The following PELI1 variants were observed in gnomAD, a reference collection of about 807,000 sequenced individuals.
The protein encoded by PELI1 is E3 ubiquitin-protein ligase pellino homolog 1.
In PELI1, 15 loss-of-function variants were observed where a neutral mutation model predicts 41.3. The observed-to-expected ratio is 0.36, with a 90% CI of 0.24 to 0.56. The LOEUF (loss-of-function observed/expected upper bound fraction) is 0.56, where lower values mean the gene tolerates loss of function less well. Among genes scored for constraint, PELI1 ranks in the 20% least tolerant of loss-of-function variants. The pLI, the probability that PELI1 is intolerant of heterozygous loss-of-function variation, is 0.82. For synonymous variants in PELI1, 178 were observed against 180.1 expected (o/e 0.99, Z 0.09); for missense variants, 403 against 525.5 (o/e 0.77, Z 2.28).
chr2:64,123,823 C>T (rs1282159833), intron 1 of PELI1, among the ~76,000 whole-genome samples: 2 of 152,134 alleles, frequency 1.3e-5, no homozygotes, highest in South Asian at 2.1e-4. Context: ...GACCTATGTC[C>T]ACACACAGAC....
chr2:64,116,512 T>C (rs995696604), intron 1 of PELI1, among the ~76,000 whole-genome samples: 4 of 152,220 alleles, frequency 2.6e-5, no homozygotes, highest in African/African-American at 9.6e-5. Flanking sequence ...CATCCCACAC[T>C]GGTAGTCCCT....
chr2:64,143,786 G>A (rs1009475880), intron 1 of PELI1, among the ~76,000 whole-genome samples: 8 of 151,934 alleles, frequency 5.3e-5, no homozygotes, highest in Non-Finnish European at 1.0e-4. Flanking sequence ...CTCGCAGCCG[G>A]AGCGCGCGGC....
At chr2:64,096,356 A>C (rs1200669087) in intron 5 of PELI1, 43 bp from the exon 6 acceptor site, 3 of 1,599,988 alleles carry the variant, frequency 1.9e-6, no homozygotes, top group Non-Finnish European at 2.6e-6. Flanking sequence ...TGTAACTTGT[A>C]ACTTGGAATG....
At chr2:64,130,176 T>G (rs1167588336) in intron 1 of PELI1, among the ~76,000 whole-genome samples, 1 of 152,132 alleles carries the variant, frequency 6.6e-6, no homozygotes, top group East Asian at 1.9e-4. Context: ...ATCACATATA[T>G]CAAAAAAAGA....
At chr2:64,104,112 A>T (rs1009711446) in intron 3 of PELI1, among the ~76,000 whole-genome samples, 1 of 152,204 alleles carries the variant, frequency 6.6e-6, no homozygotes, top group African/African-American at 2.4e-5. Flanking sequence ...GAGAAGTTAT[A>T]TTGTAGATGC....
At chr2:64,110,575 A>G (rs1363968734) in intron 1 of PELI1, among the ~76,000 whole-genome samples, 2 of 152,234 alleles carry the variant, frequency 1.3e-5, no homozygotes, top group Non-Finnish European at 2.9e-5. Context: ...ATATGAGTAA[A>G]TACAATCGAC....
At chr2:64,098,622 G>A (rs17702317) in intron 4 of PELI1, among the ~76,000 whole-genome samples, 45 of 152,306 alleles carry the variant, frequency 3.0e-4, no homozygotes, top group Admixed American at 2.9e-3. Flanking sequence ...TACAGGGTCA[G>A]TACAGCACCT....
chr2:64,141,889 G>A (rs1163082361), intron 1 of PELI1, among the ~76,000 whole-genome samples: 1 of 152,208 alleles, frequency 6.6e-6, no homozygotes, highest in Non-Finnish European at 1.5e-5. Flanking sequence ...ACTGAGCCAA[G>A]ACAGTGTTAG....
intron 3 of PELI1, among the ~76,000 whole-genome samples, chr2:64,103,584 G>A (rs988277115): frequency 1.3e-5 from 2 of 152,146 alleles, no homozygotes; most frequent in African/African-American, 4.8e-5. Flanking sequence ...CGCCAAAGGA[G>A]CAAAAAGAAA....
chr2:64,108,565 G>A (rs1480190676), intron 1 of PELI1, among the ~76,000 whole-genome samples, 186 bp from the exon 2 acceptor site: 1 of 152,160 alleles, frequency 6.6e-6, no homozygotes, highest in Non-Finnish European at 1.5e-5. Flanking sequence ...AATCAAAAAT[G>A]CAAATTTGAA....
chr2:64,108,563 A>G (rs978398221), intron 1 of PELI1, among the ~76,000 whole-genome samples, 184 bp from the exon 2 acceptor site: 4 of 152,240 alleles, frequency 2.6e-5, no homozygotes, highest in African/African-American at 7.2e-5. Context: ...GGAATCAAAA[A>G]TGCAAATTTG....
intron 1 of PELI1, among the ~76,000 whole-genome samples, chr2:64,130,038 G>A (rs1681506561): frequency 6.6e-6 from 1 of 152,180 alleles, no homozygotes; most frequent in Non-Finnish European, 1.5e-5. Flanking sequence ...CTCATTTGAT[G>A]TGTCCCAATA....
chr2:64,135,106 G>A (rs1269303249), intron 1 of PELI1, among the ~76,000 whole-genome samples: 2 of 152,084 alleles, frequency 1.3e-5, no homozygotes, highest in Admixed American at 6.5e-5. Flanking sequence ...CAGTAATGAT[G>A]AGGTCCCCAA....
chr2:64,113,815 GGAAA>G (rs1428687512), intron 1 of PELI1, among the ~76,000 whole-genome samples: 1 of 152,020 alleles, frequency 6.6e-6, no homozygotes, highest in Non-Finnish European at 1.5e-5. Flanking sequence ...TCTTCCCAAA[GGAAA>G]GACTTTGTAT....
chr2:64,114,599 C>G (rs1023197295), intron 1 of PELI1, among the ~76,000 whole-genome samples: 1 of 152,172 alleles, frequency 6.6e-6, no homozygotes, highest in African/African-American at 2.4e-5. Flanking sequence ...ATATCACCTA[C>G]AGGGATAACT....
intron 1 of PELI1, among the ~76,000 whole-genome samples, chr2:64,140,092 T>C (rs1046101400): frequency 3.3e-5 from 5 of 152,076 alleles, no homozygotes; most frequent in Non-Finnish European, 5.9e-5. Flanking sequence ...AAAAAAATAA[T>C]AGAAAAAGAA....
In PELI1 at chr2:64,094,228, CACCATCGTT is replaced by C. The variant is rs1187135353; in HGVS notation, c.*465_*473del. The stretch of plus-strand genomic sequence containing the variant: ...GCTACCATTCACACCAAGGGTGTGA[CACCATCGTT>C]ACCATGCTACTCTATCAAGAACATT... On this transcript the variant is annotated 3_prime_UTR_variant, in exon 7 of 7. Coordinates refer to ENST00000358912, the MANE Select transcript of PELI1 (RefSeq NM_020651.4). The C allele has an allele frequency of 6.5e-6, 1 of 154,420 alleles. No individual in the cohort carries two copies. The highest frequency in any genetic ancestry group is 2.4e-5 in the African/African-American group (1 of 41,456). 9.6% of individuals were successfully genotyped at this position (154,420 alleles called of 1,614,324 possible).
chr2:64,123,458 T>G, intron 1 of PELI1, among the ~76,000 whole-genome samples: 1 of 152,052 alleles, frequency 6.6e-6, no homozygotes. Context: ...CCTAAAAAGG[T>G]CTCATAACTC....
chr2:64,120,618 G>A (rs972253764), intron 1 of PELI1, among the ~76,000 whole-genome samples: 8 of 152,122 alleles, frequency 5.3e-5, no homozygotes, highest in African/African-American at 1.9e-4. Context: ...GATACCCATA[G>A]TTCACAGCCA....
Sources: allele counts gnomAD v4.1 joint callset (sites outside exome capture counted in the v4.1 genomes callset), GRCh38; gene constraint gnomAD v4.1.1; transcripts MANE v1.5; gene names NCBI Gene and HGNC (gene_info 2026-07-23, HGNC 2026-07-21).